The following RHOBTB1 variants were observed in gnomAD, a reference collection of about 807,000 sequenced individuals.
RHOBTB1 encodes the protein Rho related BTB domain containing 1.
RHOBTB1 carries 40 observed loss-of-function variants against 71.6 expected under a neutral mutation model. The ratio of observed to expected loss-of-function variants is 0.56; its 90% CI spans 0.43 to 0.73. The LOEUF is 0.73. Among genes scored for constraint, RHOBTB1 ranks in the 30% least tolerant of loss-of-function variants. RHOBTB1 has a pLI of 0.00. For synonymous variants in RHOBTB1, 319 were observed against 334.9 expected (o/e 0.95, Z 0.52); for missense variants, 797 against 894.0 (o/e 0.89, Z 1.38).
chr10:60,888,821 T>C lies in RHOBTB1; in HGVS notation c.847A>G (p.Ile283Val), dbSNP rs1472549007. ...TTGGAAGAAGAGGTAGCGAGGTAAA[T>C]TCGATGTGCAAAGATGTGTTCCTGG... Reference protein sequence around the residue: ...QDQEHIFAHRIYLATSSSKFY... With the variant: ...QDQEHIFAHRVYLATSSSKFY... The change falls in exon 6 of 11, where the codon ATT (isoleucine) becomes GTT (valine). Residue 283 changes from isoleucine (I) to valine (V), a missense_variant. Ile to Val is a conservative substitution (Grantham distance 29). Coordinates refer to ENST00000337910, the MANE Select transcript of RHOBTB1 (RefSeq NM_014836.5). The C allele has an allele frequency of 6.2e-7, 1 of 1,614,178 alleles. No homozygotes were observed.
chr10:60,892,190 T>C (rs1039466496), intron 5 of RHOBTB1, among the ~76,000 whole-genome samples: 2 of 152,242 alleles, frequency 1.3e-5, no homozygotes, highest in Non-Finnish European at 2.9e-5. Context: ...CGACATTTTA[T>C]ATATAGTGAA....
chr10:60,911,718 A>T (rs1425951124), intron 2 of RHOBTB1, among the ~76,000 whole-genome samples, 166 bp from the exon 3 acceptor site: 1 of 152,190 alleles, frequency 6.6e-6, no homozygotes, highest in Admixed American at 6.5e-5. Flanking sequence ...TTGACACTCA[A>T]GTTTTCTTTT....
At chr10:60,893,076 A>G in intron 4 of RHOBTB1, 81 bp from the exon 5 acceptor site, 1 of 980,340 alleles carries the variant, frequency 1.0e-6, no homozygotes, top group Non-Finnish European at 1.5e-6. Context: ...CTCAAACCCC[A>G]TCCTTCTAAT....
chr10:60,945,013 T>C (rs1432138292), upstream of RHOBTB1, among the ~76,000 whole-genome samples: 1 of 152,106 alleles, frequency 6.6e-6, no homozygotes, highest in Non-Finnish European at 1.5e-5. Context: ...GAAACTTCTC[T>C]CTCTTCCAGG....
At chr10:60,973,815 T>C (rs1181996056) in intron 2 of RHOBTB1, among the ~76,000 whole-genome samples, 3 of 152,058 alleles carry the variant, frequency 2.0e-5, no homozygotes, top group African/African-American at 7.2e-5. Context: ...TTAGGAAGAA[T>C]TTCTTCAAAG....
chr10:60,901,814 C>A (rs1447115440), intron 4 of RHOBTB1, among the ~76,000 whole-genome samples: 6 of 152,234 alleles, frequency 3.9e-5, no homozygotes, highest in Admixed American at 3.9e-4. Flanking sequence ...CATTAATGTA[C>A]TGAACAATGC....
chr10:60,928,870 T>C (rs1007654836), intron 2 of RHOBTB1, among the ~76,000 whole-genome samples: 1 of 152,052 alleles, frequency 6.6e-6, no homozygotes, highest in African/African-American at 2.4e-5. Flanking sequence ...TATAAAGAAT[T>C]GAGAATGGGT....
At chr10:60,881,712 G>A (rs577415224) in intron 7 of RHOBTB1, among the ~76,000 whole-genome samples, 4 of 152,184 alleles carry the variant, frequency 2.6e-5, no homozygotes, top group East Asian at 1.9e-4. Flanking sequence ...TTACCTTAGC[G>A]TTTTTTGGCA....
At chr10:60,865,568 T>A (rs969462310), downstream of RHOBTB1, among the ~76,000 whole-genome samples, 1 of 152,202 alleles carries the variant, frequency 6.6e-6, no homozygotes, top group Admixed American at 6.5e-5. Context: ...TGGGATGGAA[T>A]AACTCATTGT....
chr10:60,907,663 A>G (rs915821685), intron 4 of RHOBTB1, among the ~76,000 whole-genome samples: 5 of 152,190 alleles, frequency 3.3e-5, no homozygotes, highest in African/African-American at 1.2e-4. Flanking sequence ...TTTTTTGGAT[A>G]GATGGATGAT....
At chr10:60,900,428 T>C (rs1395188464) in intron 4 of RHOBTB1, among the ~76,000 whole-genome samples, 1 of 152,128 alleles carries the variant, frequency 6.6e-6, no homozygotes, top group Admixed American at 6.5e-5. Context: ...ATGATAAGCT[T>C]TTTCGTGAGC....
At chr10:60,985,266 G>GT (rs1399452812) in intron 2 of RHOBTB1, among the ~76,000 whole-genome samples, 2 of 152,072 alleles carry the variant, frequency 1.3e-5, no homozygotes, top group African/African-American at 2.4e-5. Flanking sequence ...ATAATTCTAC[G>GT]TTTTTTAGGC....
intron 2 of RHOBTB1, among the ~76,000 whole-genome samples, chr10:60,966,478 TG>T (rs2085962033): frequency 6.6e-6 from 1 of 151,548 alleles, no homozygotes; most frequent in Non-Finnish European, 1.5e-5. Flanking sequence ...GAGATCAGCT[TG>T]GGCAACATAG....
At chr10:60,915,761 ACC>A (rs2083238542) in intron 2 of RHOBTB1, among the ~76,000 whole-genome samples, 2 of 151,964 alleles carry the variant, frequency 1.3e-5, no homozygotes, top group African/African-American at 4.8e-5. Flanking sequence ...ATCATCCTAT[ACC>A]TGCCCGCTAT....
At chr10:60,863,792 C>T in the RHOBTB1 span, among the ~76,000 whole-genome samples, 4 of 152,172 alleles carry the variant, frequency 2.6e-5, no homozygotes, top group Non-Finnish European at 5.9e-5. Flanking sequence ...CTCGGCCTCC[C>T]AAAGTGCTGG....
intron 2 of RHOBTB1, among the ~76,000 whole-genome samples, chr10:60,967,900 C>G (rs760305868): frequency 1.6e-4 from 24 of 152,098 alleles, no homozygotes; most frequent in Non-Finnish European, 3.2e-4. Context: ...TGTCCCTGTT[C>G]TGGCTTAAAT....
At chr10:60,962,334 T>C (rs1256091780) in intron 2 of RHOBTB1, among the ~76,000 whole-genome samples, 2 of 152,218 alleles carry the variant, frequency 1.3e-5, no homozygotes, top group Admixed American at 1.3e-4. Context: ...CTACAATAGA[T>C]AATATATCAA....
rs759513206 is a variant in RHOBTB1 at position 60,878,019 on chromosome 10, C to T, written c.1615G>A (p.Val539Ile). The T allele has an allele frequency of 6.2e-7, 1 of 1,613,112 alleles. No individual in the cohort carries two copies. Among genetic ancestry groups the T allele is most frequent in the Non-Finnish European group, 8.5e-7 (1 of 1,179,406 alleles). Residue 539 changes from valine to isoleucine, a missense_variant, in exon 8 of 11, where the codon GTA (valine) becomes ATA (isoleucine). Physicochemically the swap from Val to Ile is conservative, Grantham distance 29. Transcript: ENST00000337910. ...PNINKISMQA[V>I]LDYLYTKQLS... is the part of the protein sequence containing the mutation. ...TGCTTGGTATAGAGATAATCCAATA[C>T]TGCTTGCATTGATATCTTGTTTATG...
At chr10:60,868,173 T>C (rs1269923305), downstream of RHOBTB1, among the ~76,000 whole-genome samples, 1 of 152,220 alleles carries the variant, frequency 6.6e-6, no homozygotes, top group Non-Finnish European at 1.5e-5. Flanking sequence ...TTTACCTCTA[T>C]GACTTTTATG....
Sources: gnomAD v4.1 joint callset for allele counts (sites outside exome capture counted in the v4.1 genomes callset) on GRCh38, gnomAD v4.1.1 for gene constraint, MANE v1.5 for transcripts, NCBI Gene and HGNC (gene_info 2026-07-23, HGNC 2026-07-21) for gene names.